Variants in PIK3C3 observed in about 807,000 individuals in gnomAD.
PIK3C3 encodes phosphatidylinositol 3-kinase catalytic subunit type 3, also known as PI3-kinase type 3.
Under a neutral mutation model 126.1 loss-of-function variants are expected in PIK3C3, and 95 were observed. The ratio of observed to expected loss-of-function variants is 0.75; its 90% CI spans 0.64 to 0.89. PIK3C3 has a LOEUF of 0.89. PIK3C3 is among the 40% of genes least tolerant of loss of function. The probability of loss-of-function intolerance (pLI) is 0.00; values close to 1 mark genes in which losing one functional copy is unlikely to be tolerated. For synonymous variants in PIK3C3, 374 were observed against 360.0 expected (o/e 1.04, Z -0.44); for missense variants, 829 against 1,063.2 (o/e 0.78, Z 3.06).
At position 41,974,554 on chromosome 18, in the gene PIK3C3, C is replaced by A. The variant is rs1348512547; in HGVS notation, c.531+4098C>A. ...TAATTTAAATACACTATTACCCCCCCACCCCCTGCCCCATTTTCTTCTTTT... is the reference window on the plus strand; with the variant it reads ...TAATTTAAATACACTATTACCCCCCAACCCCCTGCCCCATTTTCTTCTTTT... On this transcript the variant is annotated intron_variant, in intron 4 of 24. Coordinates refer to ENST00000262039, the MANE Select transcript of PIK3C3 (RefSeq NM_002647.4). 2.0e-5 allele frequency among the ~76,000 whole-genome samples: 3 copies of A among 151,602 alleles called. No individual in the cohort carries two copies. The South Asian group carries it at 6.3e-4, about 32-fold the overall frequency.
chr18:41,997,186 G>A (rs932526994), intron 9 of PIK3C3, among the ~76,000 whole-genome samples: 8 of 152,180 alleles, frequency 5.3e-5, no homozygotes, highest in South Asian at 2.1e-4. Context: ...AGGAAAATAC[G>A]TATGCTTTTA....
chr18:41,993,322 C>T lies in PIK3C3; in HGVS notation c.767C>T (p.Pro256Leu). 1 of 1,608,012 alleles carries T rather than the reference C, an allele frequency of 6.2e-7. No homozygotes were observed. The highest frequency in any genetic ancestry group is 8.5e-7 in the Non-Finnish European group (1 of 1,175,236). ...ACAAGTTTTGAATTAGTGAAAGTTC[C>T]TGACCCCCAGATGTCTATGGTAAGT... ...ILTSFELVKV[P>L]DPQMSMENLV... Residue 256 changes from proline to leucine, a missense_variant, in exon 7 of 25, where the codon CCT becomes CTT. Pro to Leu is a moderately conservative substitution (Grantham distance 98). This residue lies in a region of PIK3C3 where 313 missense variants were observed against 340.7 expected (regional missense o/e 0.92). Transcript: ENST00000262039.
At chr18:42,055,870 A>G (rs542583795) in intron 21 of PIK3C3, among the ~76,000 whole-genome samples, 1 of 152,230 alleles carries the variant, frequency 6.6e-6, no homozygotes, top group East Asian at 1.9e-4. Context: ...TAATCCAAGA[A>G]TTACAGATGC....
intron 20 of PIK3C3, among the ~76,000 whole-genome samples, chr18:42,048,080 C>G (rs1169823846): frequency 6.6e-6 from 1 of 152,186 alleles, no homozygotes; most frequent in Non-Finnish European, 1.5e-5. Flanking sequence ...TTTATTCTCC[C>G]TTCATCTAGA....
Position 41,955,238 on chromosome 18 carries a change from T to C in PIK3C3, c.-54T>C. 8.1e-6 allele frequency: 12 copies of C among 1,473,408 alleles called. No homozygotes were observed. The highest frequency in any genetic ancestry group is 1.1e-5 in the Non-Finnish European group (12 of 1,058,150). 91.3% of individuals were successfully genotyped at this position (1,473,408 alleles called of 1,614,324 possible). A position where few individuals can be genotyped will look rare whatever the true frequency, so the allele number is the denominator to read the frequency against. ...TGGGGCTCAGCTGGTTCATTTATGT[T>C]GTTTTTCCTGTACCTAAGTTCCCGC... On this transcript the variant is annotated 5_prime_UTR_variant, in exon 1 of 25. Transcript: ENST00000262039.
chr18:42,058,888 C>T (rs1161629326), intron 22 of PIK3C3, among the ~76,000 whole-genome samples: 1 of 152,204 alleles, frequency 6.6e-6, no homozygotes, highest in Non-Finnish European at 1.5e-5. Context: ...AAATCCCAGT[C>T]CAGGAAACAT....
At chr18:42,032,363 A>G (rs747473947) in intron 15 of PIK3C3, among the ~76,000 whole-genome samples, 11 of 152,354 alleles carry the variant, frequency 7.2e-5, no homozygotes, top group Middle Eastern at 3.4e-3. Context: ...TTTGACTGAA[A>G]CACTGAGTAA....
At chr18:42,057,769 C>T (rs1460860008) in intron 21 of PIK3C3, 114 bp from the exon 22 acceptor site, 5 of 914,020 alleles carry the variant, frequency 5.5e-6, no homozygotes, top group South Asian at 1.6e-5. Flanking sequence ...TAGGCTTCAT[C>T]GTGAACTAAT....
intron 3 of PIK3C3, among the ~76,000 whole-genome samples, chr18:41,966,017 A>G (rs976018663): frequency 1.3e-5 from 2 of 152,152 alleles, no homozygotes; most frequent in African/African-American, 4.8e-5. Context: ...ACACTCCTTC[A>G]TGTCCCGAAC....
chr18:41,971,179 T>C (rs1980648557), intron 4 of PIK3C3: 1 of 152,410 alleles, frequency 6.6e-6, no homozygotes, highest in African/African-American at 2.4e-5. Flanking sequence ...TGTTAGATAC[T>C]GTTTAAGGAT....
chr18:42,038,602 C>T (rs542572141), intron 17 of PIK3C3, among the ~76,000 whole-genome samples, 179 bp from the exon 18 acceptor site: 1 of 152,188 alleles, frequency 6.6e-6, no homozygotes, highest in Non-Finnish European at 1.5e-5. Flanking sequence ...CCTCGGCCTC[C>T]CAAAGTGCTG....
chr18:42,083,722 C>T lies in PIK3C3; in HGVS notation c.*2585C>T, dbSNP rs1048038901. The T allele has an allele frequency of 6.6e-6, 1 of 152,106 alleles. No individual in the cohort carries two copies. Among genetic ancestry groups the T allele is most frequent in the African/African-American group, 2.4e-5 (1 of 41,428 alleles). 9.4% of individuals were successfully genotyped at this position (152,106 alleles called of 1,614,324 possible). On this transcript the variant is annotated 3_prime_UTR_variant, in exon 25 of 25. Transcript: ENST00000262039. ...ATTATTCTGTGAGATAGAATTGTCT[C>T]CTCATTTTTTAGTTGAAATAACTGA...
chr18:42,032,277 G>A (rs1983862802), intron 15 of PIK3C3, among the ~76,000 whole-genome samples: 2 of 152,218 alleles, frequency 1.3e-5, no homozygotes, highest in Non-Finnish European at 2.9e-5. Flanking sequence ...AATGGGTACA[G>A]TAATAGGAGA....
At chr18:41,977,169 A>G (rs1169686901) in intron 4 of PIK3C3, among the ~76,000 whole-genome samples, 1 of 152,200 alleles carries the variant, frequency 6.6e-6, no homozygotes, top group Non-Finnish European at 1.5e-5. Context: ...CCCATTACAT[A>G]TCTATGCTAT....
chr18:42,000,217 T>A (rs1598883172), intron 9 of PIK3C3, among the ~76,000 whole-genome samples: 1 of 152,134 alleles, frequency 6.6e-6, no homozygotes, highest in Non-Finnish European at 1.5e-5. Flanking sequence ...CCACGCCGGC[T>A]AATTTTGTCT....
chr18:41,983,577 C>G (rs1468485010), intron 4 of PIK3C3, among the ~76,000 whole-genome samples: 3 of 152,128 alleles, frequency 2.0e-5, no homozygotes, highest in Non-Finnish European at 4.4e-5. Flanking sequence ...ACTCAAGAAG[C>G]TCATTTGTCT....
chr18:41,975,075 T>C (rs1281828445), intron 4 of PIK3C3, among the ~76,000 whole-genome samples: 1 of 152,166 alleles, frequency 6.6e-6, no homozygotes, highest in Non-Finnish European at 1.5e-5. Flanking sequence ...GAGTAGAGTA[T>C]AGAGGTGAAC....
intron 20 of PIK3C3, chr18:42,049,176 C>T (rs639656): frequency 0.5 from 81,278 of 163,290 alleles, 22,451 homozygotes; most frequent in African/African-American, 0.75. Flanking sequence ...TGTTATCTTA[C>T]AGATAACATG....
intron 24 of PIK3C3, among the ~76,000 whole-genome samples, chr18:42,079,139 C>T (rs145912663): frequency 6.6e-6 from 1 of 152,288 alleles, no homozygotes; most frequent in Non-Finnish European, 1.5e-5. Flanking sequence ...ATGCCTTTCT[C>T]ACTAGGCTTA....
Sources: gnomAD v4.1 joint callset for allele counts (sites outside exome capture counted in the v4.1 genomes callset) on GRCh38, gnomAD v4.1.1 for gene constraint, gnomAD v4.1.1 regional missense constraint, MANE v1.5 for transcripts, NCBI Gene and HGNC (gene_info 2026-07-23, HGNC 2026-07-21) for gene names.